The following TRMT10A variants were observed in gnomAD, a reference collection of about 807,000 sequenced individuals.
TRMT10A encodes tRNA methyltransferase 10A, also known as tRNA methyltransferase 10 homolog A.
TRMT10A carries 37 observed loss-of-function variants against 40.4 expected under a neutral mutation model. That is an observed-to-expected ratio of 0.92 (90% CI 0.71 to 1.21). TRMT10A has a LOEUF of 1.21. Ranked by LOEUF, TRMT10A falls within the 50% of genes most tolerant of loss-of-function variation. The pLI is 0.00. For synonymous variants in TRMT10A, 103 were observed against 134.1 expected (o/e 0.77, Z 1.60); for missense variants, 388 against 404.3 (o/e 0.96, Z 0.35).
intron 6 of TRMT10A, among the ~76,000 whole-genome samples, chr4:99,551,631 T>C (rs969032717): frequency 2.0e-5 from 3 of 152,266 alleles, no homozygotes; most frequent in East Asian, 1.9e-4. Context: ...GTATTTACTA[T>C]ACTTTTTATC....
intron 4 of TRMT10A, 52 bp from the exon 5 acceptor site, chr4:99,556,272 C>A (rs377453312): frequency 4.1e-6 from 6 of 1,471,806 alleles, no homozygotes; most frequent in Non-Finnish European, 5.6e-6. Context: ...CCATTTAAGT[C>A]TAATATTTTA....
chr4:99,550,867 T>G lies in TRMT10A; in HGVS notation c.751+18A>C, dbSNP rs745332389. 1 of 1,564,836 alleles carries G rather than the reference T, an allele frequency of 6.4e-7. No individual in the cohort carries two copies. The highest frequency in any genetic ancestry group is 8.8e-7 in the Non-Finnish European group (1 of 1,136,950). ...ATGTTCGCTCAGGTATATTTTCAGTTTATCCCTTACAGCTTACCATGATTA... is the reference window on the plus strand; with the variant it reads ...ATGTTCGCTCAGGTATATTTTCAGTGTATCCCTTACAGCTTACCATGATTA... On this transcript the variant is annotated intron_variant, in intron 7 of 7. Coordinates refer to ENST00000394876, the MANE Select transcript of TRMT10A (RefSeq NM_001134665.3).
chr4:99,549,031 A>T lies in TRMT10A; in HGVS notation c.*57T>A. On this transcript the variant is annotated 3_prime_UTR_variant, in exon 8 of 8. Transcript: ENST00000394876. ...AATGTTCTTCCAATTTCAATATTCT[A>T]TATAGCACCTCACTTTCTCCTAATT... 1.3e-6 allele frequency: 2 copies of T among 1,570,632 alleles called. No individual in the cohort carries two copies. The highest frequency in any genetic ancestry group is 1.7e-6 in the Non-Finnish European group (2 of 1,148,774).
chr4:99,549,079 C>T lies in TRMT10A; in HGVS notation c.*9G>A, dbSNP rs761370291. ...ATTTTTCCTTAAACTAAAAGGAAAC[C>T]AGGTAACATTAGTGTGGCAGAGAGT... On this transcript the variant is annotated 3_prime_UTR_variant, in exon 8 of 8. Coordinates refer to ENST00000394876, the MANE Select transcript of TRMT10A (RefSeq NM_001134665.3). The T allele has an allele frequency of 6.2e-7, 1 of 1,610,112 alleles. No homozygotes were observed. Among genetic ancestry groups the T allele is most frequent in the Non-Finnish European group, 8.5e-7 (1 of 1,176,956 alleles).
chr4:99,549,026 A>G lies in TRMT10A; in HGVS notation c.*62T>C. 6.6e-7 allele frequency: 1 copy of G among 1,506,286 alleles called. No individual in the cohort carries two copies. The highest frequency in any genetic ancestry group is 1.4e-5 in the African/African-American group (1 of 71,922). The allele number at this position is 1,506,286 out of a possible 1,614,324, so 93.3% of individuals were successfully genotyped here. ...AATAAAATGTTCTTCCAATTTCAAT[A>G]TTCTATATAGCACCTCACTTTCTCC... On this transcript the variant is annotated 3_prime_UTR_variant, in exon 8 of 8. Transcript: ENST00000394876.
chr4:99,554,869 T>C (rs554529539), intron 5 of TRMT10A, among the ~76,000 whole-genome samples: 23 of 152,066 alleles, frequency 1.5e-4, no homozygotes, highest in Admixed American at 5.9e-4. Flanking sequence ...AATTGAACAA[T>C]AGCTGGCAGT....
At chr4:99,553,711 A>G in intron 6 of TRMT10A, 74 bp downstream of exon 6, 1 of 1,418,548 alleles carries the variant, frequency 7.0e-7, no homozygotes. Flanking sequence ...CATTAGTATT[A>G]TTGTTACTTT....
chr4:99,555,512 T>C (rs1289870036), intron 5 of TRMT10A, among the ~76,000 whole-genome samples: 1 of 152,360 alleles, frequency 6.6e-6, no homozygotes, highest in East Asian at 1.9e-4. Flanking sequence ...TTAAATATTC[T>C]AGTATCCAAA....
chr4:99,551,494 C>T (rs957319334), intron 6 of TRMT10A, among the ~76,000 whole-genome samples: 2 of 152,120 alleles, frequency 1.3e-5, no homozygotes, highest in South Asian at 2.1e-4. Context: ...CATACTGCAA[C>T]GCATTACTCA....
At chr4:99,560,093 G>C (rs1724328705) in intron 1 of TRMT10A, among the ~76,000 whole-genome samples, 1 of 152,108 alleles carries the variant, frequency 6.6e-6, no homozygotes, top group South Asian at 2.1e-4. Flanking sequence ...GCTGTAGAAT[G>C]AGGGAAACTA....
At chr4:99,562,188 TA>T (rs1195088376) in intron 1 of TRMT10A, among the ~76,000 whole-genome samples, 2 of 124,566 alleles carry the variant, frequency 1.6e-5, no homozygotes, top group African/African-American at 3.4e-5. Flanking sequence ...AAAAAAAAAT[TA>T]TATATATATA....
At chr4:99,552,895 G>A (rs1051249822) in intron 6 of TRMT10A, among the ~76,000 whole-genome samples, 1 of 151,782 alleles carries the variant, frequency 6.6e-6, no homozygotes, top group Non-Finnish European at 1.5e-5. Flanking sequence ...TGGTGGGGGG[G>A]GGAGGCAGCA....
chr4:99,561,061 G>A (rs1441713344), intron 1 of TRMT10A, among the ~76,000 whole-genome samples: 2 of 151,696 alleles, frequency 1.3e-5, no homozygotes, highest in Non-Finnish European at 2.9e-5. Flanking sequence ...CCGCCTCCCA[G>A]GTTCAGGCGA....
At chr4:99,563,365 C>G (rs1393807194) in intron 1 of TRMT10A, 1 of 154,402 alleles carries the variant, frequency 6.5e-6, no homozygotes, top group Non-Finnish European at 1.4e-5. Context: ...CAGCTCACAG[C>G]ACCTGCAGCA....
chr4:99,559,563 T>C (rs1724302434), intron 1 of TRMT10A, among the ~76,000 whole-genome samples: 1 of 152,212 alleles, frequency 6.6e-6, no homozygotes, highest in South Asian at 2.1e-4. Context: ...AATGGGGTGT[T>C]TCATATACTA....
intron 4 of TRMT10A, 30 bp downstream of exon 4, chr4:99,557,315 T>G (rs768801594): frequency 8.8e-6 from 14 of 1,591,628 alleles, no homozygotes; most frequent in Non-Finnish European, 1.2e-5. Flanking sequence ...AAAAGAAAAC[T>G]AGAGTCTGCT....
chr4:99,556,613 C>G (rs1724170482), intron 4 of TRMT10A, among the ~76,000 whole-genome samples: 2 of 151,888 alleles, frequency 1.3e-5, no homozygotes, highest in South Asian at 4.2e-4. Context: ...AAGTTTGAAT[C>G]AAGGGTGAGA....
chr4:99,560,973 C>CA (rs1459532723), intron 1 of TRMT10A, among the ~76,000 whole-genome samples: 3 of 145,790 alleles, frequency 2.1e-5, no homozygotes, highest in Admixed American at 2.1e-4. Context: ...TTTTTGGAGA[C>CA]AGAGTCTTGC....
Position 99,549,337 on chromosome 4 carries a change from T to C in TRMT10A, c.771A>G (p.Glu257=), listed in dbSNP as rs1395992163. The change falls in exon 8 of 8, where the codon GAA becomes GAG. Residue 257 remains glutamate (E), a synonymous_variant. Transcript: ENST00000394876. ...CTTGCCAGTCTCTTGTTTCCAGGTATTCCAGAATAATTTCAAACACTGCAA... is the reference window on the plus strand; with the variant it reads ...CTTGCCAGTCTCTTGTTTCCAGGTACTCCAGAATAATTTCAAACACTGCAA... The part of the protein sequence containing the change: ...AVNHVFEIIL[E]YLETRDWQEA... 6.2e-7 allele frequency: 1 copy of C among 1,613,942 alleles called. No homozygotes were observed. Among genetic ancestry groups the C allele is most frequent in the Non-Finnish European group, 8.5e-7 (1 of 1,179,950 alleles).
Sources: allele counts gnomAD v4.1 joint callset (sites outside exome capture counted in the v4.1 genomes callset), GRCh38; gene constraint gnomAD v4.1.1; transcripts MANE v1.5; gene names NCBI Gene and HGNC (gene_info 2026-07-23, HGNC 2026-07-21).